TINAG: variants seen among roughly 807,000 people sequenced by gnomAD.
The protein encoded by TINAG is tubulointerstitial nephritis antigen.
TINAG carries 83 observed loss-of-function variants against 72.7 expected under a neutral mutation model. That is an observed-to-expected ratio of 1.14 (90% confidence interval 0.96 to 1.37). The LOEUF (loss-of-function observed/expected upper bound fraction) is 1.37. Among genes scored for constraint, TINAG ranks in the 40% most tolerant of loss-of-function variants. The probability of loss-of-function intolerance (pLI) is 0.00; values close to 1 mark genes in which losing one functional copy is unlikely to be tolerated. For synonymous variants in TINAG, 234 were observed against 189.9 expected, an observed-to-expected ratio of 1.23 and a Z score of -1.91; for missense variants, 685 against 576.6, an observed-to-expected ratio of 1.19 and a Z score of -1.93.
intron 1 of TINAG, among the ~76,000 whole-genome samples, chr6:54,311,894 C>T (rs1217527207): frequency 1.3e-5 from 2 of 152,116 alleles, no homozygotes; most frequent in African/African-American, 4.8e-5. Context: ...GATAGCTGAA[C>T]TCTGTAATGT....
chr6:54,382,680 A>G (rs1763986561), intron 10 of TINAG, among the ~76,000 whole-genome samples: 1 of 152,104 alleles, frequency 6.6e-6, no homozygotes, highest in South Asian at 2.1e-4. Flanking sequence ...TAGATCGACA[A>G]CCAGAGTAAC....
intron 3 of TINAG, among the ~76,000 whole-genome samples, chr6:54,322,666 A>G (rs1201363653): frequency 6.6e-6 from 1 of 152,214 alleles, no homozygotes; most frequent in Admixed American, 6.5e-5. Context: ...CTTGGAACAT[A>G]CAAAACATAG....
chr6:54,381,118 C>A (rs1763934977), intron 10 of TINAG, among the ~76,000 whole-genome samples: 1 of 148,226 alleles, frequency 6.7e-6, no homozygotes, highest in Non-Finnish European at 1.5e-5. Context: ...GTATATGTAA[C>A]CTACAGGATA....
intron 4 of TINAG, among the ~76,000 whole-genome samples, chr6:54,336,790 G>A (rs1784874063): frequency 6.6e-6 from 1 of 151,982 alleles, no homozygotes; most frequent in African/African-American, 2.4e-5. Context: ...ATATTAAGAA[G>A]GCTAGTATGG....
At chr6:54,330,005 G>A (rs1202477585) in intron 4 of TINAG, among the ~76,000 whole-genome samples, 2 of 151,480 alleles carry the variant, frequency 1.3e-5, no homozygotes, top group South Asian at 2.1e-4. Context: ...GACTTAGACT[G>A]TCAAATAATA....
chr6:54,381,266 G>C (rs774646741), intron 10 of TINAG, among the ~76,000 whole-genome samples: 2 of 150,912 alleles, frequency 1.3e-5, no homozygotes, highest in Non-Finnish European at 3.0e-5. Context: ...TTTCAGGTAA[G>C]AAACAATTTG....
chr6:54,330,972 T>C (rs1331746341), intron 4 of TINAG, among the ~76,000 whole-genome samples: 1 of 152,094 alleles, frequency 6.6e-6, no homozygotes, highest in Non-Finnish European at 1.5e-5. Context: ...GTTAATAGCC[T>C]ACCAACCAAA....
chr6:54,338,313 A>G (rs77126612), intron 4 of TINAG, among the ~76,000 whole-genome samples: 2,337 of 152,280 alleles, frequency 0.015, 63 homozygotes, highest in African/African-American at 0.052. Context: ...ATGAAGAAGT[A>G]TTTTAGGCTG....
In TINAG at chr6:54,369,030, C is replaced by T. The variant is rs563432026; in HGVS notation, c.1251-11496C>T. Among the ~76,000 whole-genome samples the T allele has an allele frequency of 4.0e-5, 6 of 151,684 alleles. 1 individual carries two copies. The East Asian group carries it at 5.8e-4, about 15-fold the overall frequency. On this transcript the variant is annotated intron_variant, in intron 9 of 10. Transcript: ENST00000259782. Reference sequence around the variant, plus strand: ...TGTTTTCTGATCATAAAAGTAATAACGTAGATATTTGACAGTTTTGAATCG... The same window carrying T: ...TGTTTTCTGATCATAAAAGTAATAATGTAGATATTTGACAGTTTTGAATCG...
rs2047431 is a variant in TINAG, at chr6:54,311,767, A to T, written c.355+2862A>T. Among the ~76,000 whole-genome samples the T allele has an allele frequency of 9.9e-3, 1,505 of 152,286 alleles. 40 individuals carry two copies. Among genetic ancestry groups the T allele is most frequent in the East Asian group, 0.061 (316 of 5,170 alleles). Reference sequence around the variant, plus strand: ...CACCCCCCTTTTTTGAAGATGACTTAGGTCATGTAGACATTAATCTTCCAT... The same window carrying T: ...CACCCCCCTTTTTTGAAGATGACTTTGGTCATGTAGACATTAATCTTCCAT... On this transcript the variant is annotated intron_variant, in intron 1 of 10. Coordinates refer to ENST00000259782, the MANE Select transcript of TINAG (RefSeq NM_014464.4).
intron 9 of TINAG, among the ~76,000 whole-genome samples, chr6:54,364,856 A>C (rs1385981157): frequency 6.6e-6 from 1 of 151,418 alleles, no homozygotes; most frequent in Non-Finnish European, 1.5e-5. Flanking sequence ...ATAATGCCTC[A>C]GTACTGAATT....
chr6:54,349,673 T>G, intron 6 of TINAG, 43 bp from the exon 7 acceptor site: 3 of 1,441,054 alleles, frequency 2.1e-6, no homozygotes, highest in Middle Eastern at 1.8e-4. Context: ...TATTACGACA[T>G]TCTCCTAAAT....
intron 4 of TINAG, among the ~76,000 whole-genome samples, chr6:54,333,036 C>T (rs1366919046): frequency 3.9e-5 from 6 of 152,128 alleles, no homozygotes; most frequent in Non-Finnish European, 4.4e-5. Flanking sequence ...TAAATTAGCT[C>T]AACCATTGTG....
chr6:54,321,285 A>G lies in TINAG; in HGVS notation c.420-12A>G, dbSNP rs756622112. 4.3e-6 allele frequency: 7 copies of G among 1,611,000 alleles called. No individual in the cohort carries two copies. The highest frequency in any genetic ancestry group is 1.6e-4 in the Middle Eastern group (1 of 6,078). ...AGACCAAGCCACTTTTGTAATTGTCATATCTTTGCAGCACATGCTCAGGAC... is the reference window on the plus strand; with the variant it reads ...AGACCAAGCCACTTTTGTAATTGTCGTATCTTTGCAGCACATGCTCAGGAC... On this transcript the variant is annotated splice_polypyrimidine_tract_variant and intron_variant, in intron 2 of 10. Coordinates refer to ENST00000259782, the MANE Select transcript of TINAG (RefSeq NM_014464.4).
rs547242610 is a variant in TINAG, at chr6:54,360,294, G to T, written c.1250+5658G>T. Among the ~76,000 whole-genome samples the T allele has an allele frequency of 1.8e-3, 272 of 151,594 alleles. 1 individual carries two copies. The highest frequency in any genetic ancestry group is 6.1e-3 in the African/African-American group (254 of 41,414). ...CCCCATTTTGAATGCTATGGCTATAGATGCATTTAATTGAATAAATAACAC... is the reference window on the plus strand; with the variant it reads ...CCCCATTTTGAATGCTATGGCTATATATGCATTTAATTGAATAAATAACAC... On this transcript the variant is annotated intron_variant, in intron 9 of 10. Transcript: ENST00000259782.
At chr6:54,326,414 A>G (rs1000806985) in intron 3 of TINAG, among the ~76,000 whole-genome samples, 3 of 151,984 alleles carry the variant, frequency 2.0e-5, no homozygotes, top group African/African-American at 4.8e-5. Context: ...TTTCAAATCT[A>G]AATTTTAAAG....
chr6:54,366,718 C>T (rs575720909), intron 9 of TINAG, among the ~76,000 whole-genome samples: 1 of 151,392 alleles, frequency 6.6e-6, no homozygotes, highest in East Asian at 2.0e-4. Context: ...TAGGAAGGCA[C>T]ATAATTCCAA....
At chr6:54,343,501 G>T in intron 5 of TINAG, 152 bp downstream of exon 5, 1 of 846,282 alleles carries the variant, frequency 1.2e-6, no homozygotes, top group Non-Finnish European at 1.6e-6. Context: ...GTAACCTGAA[G>T]ATTATATAAA....
chr6:54,346,823 C>T (rs957206195), intron 5 of TINAG, among the ~76,000 whole-genome samples: 30 of 151,884 alleles, frequency 2.0e-4, no homozygotes, highest in Admixed American at 5.9e-4. Flanking sequence ...GTATGGTCTC[C>T]TGGGTAGTTA....
Sources: allele counts gnomAD v4.1 joint callset (sites outside exome capture counted in the v4.1 genomes callset), GRCh38; gene constraint gnomAD v4.1.1; transcripts MANE v1.5; gene names NCBI Gene and HGNC (gene_info 2026-07-23, HGNC 2026-07-21).